Variants in RASEF observed in about 807,000 individuals in gnomAD.
The protein encoded by RASEF is RAS and EF-hand domain containing, also known as ras and EF-hand domain-containing protein.
A neutral mutation model predicts 90.1 loss-of-function variants in RASEF; 68 were observed. The ratio of observed to expected loss-of-function variants is 0.75; its 90% CI spans 0.62 to 0.92. The LOEUF is 0.92. Ranked by LOEUF, RASEF falls within the 40% of genes least tolerant of loss-of-function variation. The pLI, the probability that RASEF is intolerant of heterozygous loss-of-function variation, is 0.00. For synonymous variants in RASEF, 331 were observed against 345.2 expected (o/e 0.96, Z 0.46); for missense variants, 949 against 937.2 (o/e 1.01, Z -0.16).
chr9:83,183,501 A>G, the RASEF span, among the ~76,000 whole-genome samples: 1 of 152,190 alleles, frequency 6.6e-6, no homozygotes, highest in Non-Finnish European at 1.5e-5. Flanking sequence ...TTTGGTATGA[A>G]TATACTATAA....
intron 1 of RASEF, among the ~76,000 whole-genome samples, chr9:83,060,347 G>A (rs988188684): frequency 5.9e-5 from 9 of 152,182 alleles, no homozygotes; most frequent in Non-Finnish European, 1.2e-4. Context: ...GCTTGCAGCC[G>A]TCTGTTGGGC....
chr9:83,004,118 A>G (rs1395792207), intron 9 of RASEF, among the ~76,000 whole-genome samples: 1 of 152,142 alleles, frequency 6.6e-6, no homozygotes, highest in East Asian at 1.9e-4. Context: ...TATTATGCTG[A>G]GCTATTAAAT....
At chr9:83,152,483 G>A in the RASEF span, among the ~76,000 whole-genome samples, 1 of 152,108 alleles carries the variant, frequency 6.6e-6, no homozygotes, top group Non-Finnish European at 1.5e-5. Flanking sequence ...AGGTGAGTTA[G>A]GATTTGATAC....
chr9:83,158,454 A>G, the RASEF span, among the ~76,000 whole-genome samples: 1 of 146,554 alleles, frequency 6.8e-6, no homozygotes, highest in Admixed American at 6.7e-5. Context: ...TGGTTGTAGT[A>G]CAAACATAGT....
At chr9:83,171,476 C>T in the RASEF span, among the ~76,000 whole-genome samples, 1 of 151,686 alleles carries the variant, frequency 6.6e-6, no homozygotes, top group Non-Finnish European at 1.5e-5. Context: ...TTTCTTCTTC[C>T]TCATTTTTCT....
chr9:83,024,065 C>T (rs757872450), intron 2 of RASEF, among the ~76,000 whole-genome samples: 1 of 152,168 alleles, frequency 6.6e-6, no homozygotes, highest in Non-Finnish European at 1.5e-5. Context: ...AAACCCTCCC[C>T]CAATTAAAAA....
the RASEF span, among the ~76,000 whole-genome samples, chr9:83,077,609 G>A: frequency 6.6e-6 from 1 of 152,092 alleles, no homozygotes; most frequent in Admixed American, 6.5e-5. Flanking sequence ...GCAAAAAAGA[G>A]GGAAAGATCT....
At chr9:83,134,410 G>GCACACA in the RASEF span, among the ~76,000 whole-genome samples, 138 of 139,120 alleles carry the variant, frequency 9.9e-4, 1 homozygote, top group South Asian at 2.4e-3. Flanking sequence ...TCACAATAGC[G>GCACACA]CACACACACA....
the RASEF span, among the ~76,000 whole-genome samples, chr9:83,186,738 G>A: frequency 6.6e-6 from 1 of 151,966 alleles, no homozygotes; most frequent in African/African-American, 2.4e-5. Flanking sequence ...CATTGGATGG[G>A]AAATGACTTA....
chr9:83,184,689 C>G, the RASEF span, among the ~76,000 whole-genome samples: 14 of 152,314 alleles, frequency 9.2e-5, no homozygotes, highest in Non-Finnish European at 1.6e-4. Flanking sequence ...CCGATCTACA[C>G]CTTGCTAGGC....
the RASEF span, among the ~76,000 whole-genome samples, chr9:83,086,511 A>G: frequency 6.6e-6 from 1 of 152,210 alleles, no homozygotes; most frequent in Non-Finnish European, 1.5e-5. Context: ...ACTATGTTTT[A>G]TACCAATTTA....
chr9:83,001,109 C>T lies in RASEF; in HGVS notation c.1224G>A (p.Val408=), dbSNP rs555323535. The part of the protein sequence containing the change: ...GYDRSSRSSY[V]DEDCDSLALC... The stretch of plus-strand genomic sequence containing the variant: ...GGGCCAGGGAGTCACAGTCCTCATC[C>T]ACATAGGAAGAGCGGGATGACCTGG... The change falls in exon 10 of 17, where the codon GTG becomes GTA. Residue 408 remains valine, a synonymous_variant. Coordinates refer to ENST00000376447, the MANE Select transcript of RASEF (RefSeq NM_152573.4). 1 of 1,613,592 alleles carries T rather than the reference C, an allele frequency of 6.2e-7. No individual in the cohort carries two copies. The highest frequency in any genetic ancestry group is 1.1e-5 in the South Asian group (1 of 91,058).
the RASEF span, among the ~76,000 whole-genome samples, chr9:83,097,475 A>G: frequency 1.3e-5 from 2 of 152,212 alleles, no homozygotes; most frequent in African/African-American, 4.8e-5. Flanking sequence ...CAACCTACAG[A>G]ATGGGAGAAA....
chr9:83,202,642 G>GT, the RASEF span, among the ~76,000 whole-genome samples: 1 of 151,494 alleles, frequency 6.6e-6, no homozygotes, highest in South Asian at 2.1e-4. Flanking sequence ...TGCTTGGCTT[G>GT]TTTTTTTGTT....
In RASEF at chr9:83,059,980, C is replaced by T. The variant is rs530617039; in HGVS notation, c.431+2457G>A. Among the ~76,000 whole-genome samples, 6 of 152,272 alleles carry T rather than the reference C, an allele frequency of 3.9e-5. No homozygotes were observed. In the South Asian group the frequency reaches 8.3e-4, roughly 21 times the overall value. ...TAACATCACGATTACTGATGACTGG[C>T]GAGTTTAACCCAAAATTGCTTAATA... On this transcript the variant is annotated intron_variant, in intron 1 of 16. Transcript: ENST00000376447.
chr9:83,121,485 G>A, the RASEF span, among the ~76,000 whole-genome samples: 1 of 152,252 alleles, frequency 6.6e-6, no homozygotes, highest in Non-Finnish European at 1.5e-5. Context: ...GCAAACCATG[G>A]CCCTTGAGAT....
chr9:83,139,953 G>A, the RASEF span, among the ~76,000 whole-genome samples: 2 of 152,146 alleles, frequency 1.3e-5, no homozygotes, highest in East Asian at 1.9e-4. Context: ...TCACAATAGC[G>A]GTGGAAACTA....
the RASEF span, among the ~76,000 whole-genome samples, chr9:83,126,676 T>C: frequency 6.6e-6 from 1 of 152,244 alleles, no homozygotes; most frequent in Non-Finnish European, 1.5e-5. Flanking sequence ...AGCTACCTAC[T>C]GCCCTGGATG....
At chr9:83,162,876 G>C in the RASEF span, among the ~76,000 whole-genome samples, 1 of 152,212 alleles carries the variant, frequency 6.6e-6, no homozygotes, top group Admixed American at 6.5e-5. Context: ...TCAAAGGGGA[G>C]CCCCCACACA....
Sources: allele counts gnomAD v4.1 joint callset (sites outside exome capture counted in the v4.1 genomes callset), GRCh38; gene constraint gnomAD v4.1.1; transcripts MANE v1.5; gene names NCBI Gene and HGNC (gene_info 2026-07-23, HGNC 2026-07-21).